Variants in ARHGAP23 observed in about 807,000 individuals in gnomAD.
ARHGAP23 encodes rho GTPase-activating protein 23.
ARHGAP23 carries 34 observed loss-of-function variants against 136.3 expected under a neutral mutation model. The observed-to-expected ratio is 0.25, with a 90% CI of 0.19 to 0.33. ARHGAP23 has a LOEUF of 0.33. ARHGAP23 is among the 10% of genes least tolerant of loss of function. The pLI is 1.00. For missense variants in ARHGAP23, 1,808 were observed against 2,139.0 expected (o/e 0.85, Z 3.05); for synonymous variants, 832 against 920.5 (o/e 0.90, Z 1.74).
At chr17:38,456,824 G>A (rs1162423053) in intron 1 of ARHGAP23, among the ~76,000 whole-genome samples, 1 of 152,014 alleles carries the variant, frequency 6.6e-6, no homozygotes, top group Non-Finnish European at 1.5e-5. Flanking sequence ...CCAAACTCTT[G>A]TCTTCAGATA....
rs1260377797 is a variant in ARHGAP23 at position 38,479,809 on chromosome 17, G to A, written c.2555G>A (p.Gly852Asp). 5.2e-6 allele frequency: 8 copies of A among 1,528,486 alleles called. No homozygotes were observed. The East Asian group carries it at 7.4e-5, about 14-fold the overall frequency. 94.7% of individuals were successfully genotyped at this position (1,528,486 alleles called of 1,614,324 possible). ...CCCAAAGGCTCTCGCGGCCTGGGGG[G>A]CCTCAAGTCTGAGTTCCTCAAGCAG... ...SSPKGSRGLG[G>D]LKSEFLKQSA... The change falls in exon 14 of 24, where the codon GGC (glycine) becomes GAC (aspartate). Residue 852 changes from glycine to aspartate, a missense_variant. Coordinates refer to ENST00000622683, the MANE Select transcript of ARHGAP23 (RefSeq NM_001199417.2).
At chr17:38,447,803 G>A (rs1286377393) in intron 1 of ARHGAP23, among the ~76,000 whole-genome samples, 2 of 152,228 alleles carry the variant, frequency 1.3e-5, no homozygotes, top group Non-Finnish European at 2.9e-5. Flanking sequence ...TCAGGGGTAC[G>A]GAGGGGTTGT....
In ARHGAP23 at chr17:38,452,157, C is replaced by T. The variant is rs1403498543; in HGVS notation, c.64-5945C>T. Among the ~76,000 whole-genome samples, 5 of 152,228 alleles carry T rather than the reference C, an allele frequency of 3.3e-5. No homozygotes were observed. The South Asian group carries it at 1.0e-3, about 32-fold the overall frequency. On this transcript the variant is annotated intron_variant, in intron 1 of 23. Transcript: ENST00000622683. Reference sequence around the variant, plus strand: ...CTCGTGGTCCGCTCTGCTCCCTTCCCCCTCCCCTCCCACCTCCGTCCCCTA... The same window carrying T: ...CTCGTGGTCCGCTCTGCTCCCTTCCTCCTCCCCTCCCACCTCCGTCCCCTA...
rs561308352 is a variant in ARHGAP23 at position 38,436,673 on chromosome 17, A to G, written c.63+8125A>G. On this transcript the variant is annotated intron_variant, in intron 1 of 23. Transcript: ENST00000622683. ...CCCAAAAGCCAGACAAAAAGTCTCC[A>G]CAAAGACTGTAGAACCATGAGTTCT... Among the ~76,000 whole-genome samples the G allele has an allele frequency of 2.6e-5, 4 of 152,328 alleles. No homozygotes were observed. The South Asian group carries it at 8.3e-4, about 32-fold the overall frequency.
rs750576576 is a variant in ARHGAP23 at position 38,466,268 on chromosome 17, C to T, written c.585C>T (p.Tyr195=). ...PPPICYPRKT[Y]APPARASTRA... ...CGATCTGCTACCCCCGCAAGACCTACGCCCCTCCTGCCCGGGCCTCCACCA... is the reference window on the plus strand; with the variant it reads ...CGATCTGCTACCCCCGCAAGACCTATGCCCCTCCTGCCCGGGCCTCCACCA... Residue 195 remains tyrosine, a synonymous_variant, in exon 7 of 24, where the codon TAC becomes TAT. Coordinates refer to ENST00000622683, the MANE Select transcript of ARHGAP23 (RefSeq NM_001199417.2). The T allele has an allele frequency of 1.1e-4, 167 of 1,548,730 alleles. No individual in the cohort carries two copies. Among genetic ancestry groups the T allele is most frequent in the Non-Finnish European group, 1.3e-4 (154 of 1,146,658 alleles).
intron 11 of ARHGAP23, among the ~76,000 whole-genome samples, chr17:38,475,479 A>G (rs2039871702): frequency 6.6e-6 from 1 of 152,130 alleles, no homozygotes; most frequent in Non-Finnish European, 1.5e-5. Flanking sequence ...CCCATCCAGC[A>G]GTTCTGTGAT....
intron 16 of ARHGAP23, among the ~76,000 whole-genome samples, chr17:38,482,994 G>GCA: frequency 6.6e-6 from 1 of 152,204 alleles, no homozygotes; most frequent in East Asian, 1.9e-4. Context: ...TGAAAGCCAG[G>GCA]TGAGGGCATT....
intron 1 of ARHGAP23, among the ~76,000 whole-genome samples, chr17:38,432,945 T>A (rs2038716791): frequency 1.3e-5 from 2 of 152,204 alleles, no homozygotes; most frequent in Admixed American, 6.5e-5. Context: ...TTCATTGTTT[T>A]AGCCTCGGCT....
intron 20 of ARHGAP23, among the ~76,000 whole-genome samples, chr17:38,494,574 A>G (rs556300662): frequency 1.3e-5 from 2 of 152,298 alleles, no homozygotes; most frequent in East Asian, 3.9e-4. Flanking sequence ...ACACACACAC[A>G]CACAAAAATC....
At chr17:38,490,247 G>A in intron 18 of ARHGAP23, 72 bp downstream of exon 18, 1 of 1,455,052 alleles carries the variant, frequency 6.9e-7, no homozygotes, top group Non-Finnish European at 9.4e-7. Flanking sequence ...AGGAGGCAGG[G>A]AGTCCGGTGC....
upstream of ARHGAP23, chr17:38,428,458 C>T (rs1213874110): frequency 1.4e-6 from 2 of 1,419,084 alleles, no homozygotes; most frequent in South Asian, 1.4e-5. Flanking sequence ...CAGCCGTGCC[C>T]CGGCCGCAGA....
chr17:38,453,778 G>A (rs2039249875), intron 1 of ARHGAP23: 1 of 145,516 alleles, frequency 6.9e-6, no homozygotes, highest in East Asian at 2.0e-4. Context: ...CGGGGCCCCC[G>A]GGCCCCGGGC....
chr17:38,485,732 C>T (rs2040144686), intron 16 of ARHGAP23, among the ~76,000 whole-genome samples: 1 of 152,210 alleles, frequency 6.6e-6, no homozygotes, highest in African/African-American at 2.4e-5. Context: ...CGAATGACTG[C>T]TGTGTCACGG....
rs148270333 is a variant in ARHGAP23, at chr17:38,446,673, G to A, written c.64-11429G>A. Among the ~76,000 whole-genome samples, 1,446 of 150,156 alleles carry A rather than the reference G, an allele frequency of 9.6e-3. 26 individuals carry two copies. The highest frequency in any genetic ancestry group is 0.034 in the African/African-American group (1,391 of 40,696). On this transcript the variant is annotated intron_variant, in intron 1 of 23. Transcript: ENST00000622683. ...GTTGCCCAGGCTGGAGTGCAACGGC[G>A]CGCTCTTGGCTCACTGCAACCTCCG...
rs373451854 is a variant in ARHGAP23, at chr17:38,498,540, C to T, written c.3415+30C>T. On this transcript the variant is annotated intron_variant, in intron 22 of 23. Coordinates refer to ENST00000622683, the MANE Select transcript of ARHGAP23 (RefSeq NM_001199417.2). ...GCGCAGGGGCCTGGGAGTGGGGAGG[C>T]GGGAGGTTGGACACTGCATTCCTGA... The T allele has an allele frequency of 1.3e-3, 1,977 of 1,494,814 alleles. 4 individuals are homozygous for T. Among genetic ancestry groups the T allele is most frequent in the African/African-American group, 7.6e-3 (545 of 71,532 alleles). 92.6% of individuals were successfully genotyped at this position (1,494,814 alleles called of 1,614,324 possible). A position where few individuals can be genotyped will look rare whatever the true frequency, so the allele number is the denominator to read the frequency against.
chr17:38,500,506 AGCCTTTGAG>A (rs1213647039), intron 22 of ARHGAP23, 82 bp from the exon 23 acceptor site: 2 of 1,175,816 alleles, frequency 1.7e-6, no homozygotes, highest in Non-Finnish European at 2.5e-6. Flanking sequence ...TGGTTTCTGA[AGCCTTTGAG>A]GAGAGGGAAT....
rs2040780064 is a variant in ARHGAP23, at chr17:38,512,379, T to A, written c.*1407T>A. On this transcript the variant is annotated 3_prime_UTR_variant, in exon 24 of 24. Transcript: ENST00000622683. Reference sequence around the variant, plus strand: ...TCTATATCTTGGAAATAAATAGCTTTCCTCAAGGCATGAGTCAGCTGTCTC... The same window carrying A: ...TCTATATCTTGGAAATAAATAGCTTACCTCAAGGCATGAGTCAGCTGTCTC... The A allele has an allele frequency of 6.6e-6, 1 of 152,278 alleles. No homozygotes were observed. Among genetic ancestry groups the A allele is most frequent in the Admixed American group, 6.5e-5 (1 of 15,276 alleles). The allele number at this position is 152,278 out of a possible 1,614,324, so 9.4% of individuals were successfully genotyped here. A position where few individuals can be genotyped will look rare whatever the true frequency, so the allele number is the denominator to read the frequency against.
At chr17:38,484,817 G>A (rs1251773101) in intron 16 of ARHGAP23, among the ~76,000 whole-genome samples, 1 of 152,136 alleles carries the variant, frequency 6.6e-6, no homozygotes, top group Admixed American at 6.5e-5. Flanking sequence ...GTTGTGGGTC[G>A]TGCTGGGAGT....
chr17:38,496,557 T>C (rs1225308596), intron 20 of ARHGAP23, among the ~76,000 whole-genome samples: 1 of 152,230 alleles, frequency 6.6e-6, no homozygotes, highest in Non-Finnish European at 1.5e-5. Flanking sequence ...CTTTACTTGC[T>C]CAAGTATTCA....
Sources: gnomAD v4.1 joint callset for allele counts (sites outside exome capture counted in the v4.1 genomes callset) on GRCh38, gnomAD v4.1.1 for gene constraint, MANE v1.5 for transcripts, NCBI Gene and HGNC (gene_info 2026-07-23, HGNC 2026-07-21) for gene names.